INTS8: variants seen among roughly 807,000 people sequenced by gnomAD.
INTS8 encodes protein kaonashi-1.
Under a neutral mutation model 138.9 loss-of-function variants are expected in INTS8, and 47 were observed. The ratio of observed to expected loss-of-function variants is 0.34; its 90% CI spans 0.27 to 0.43. The LOEUF (loss-of-function observed/expected upper bound fraction) is 0.43, where lower values mean the gene tolerates loss of function less well. Among genes scored for constraint, INTS8 ranks in the 20% least tolerant of loss-of-function variants. INTS8 has a pLI of 1.00. For synonymous variants in INTS8, 392 were observed against 400.9 expected (o/e 0.98, Z 0.27); for missense variants, 996 against 1,173.0 (o/e 0.85, Z 2.20).
In INTS8 at chr8:94,851,643, A is replaced by G; in HGVS notation, c.1598A>G (p.His533Arg). The G allele has an allele frequency of 2.5e-6, 4 of 1,604,558 alleles. No homozygotes were observed. The highest frequency in any genetic ancestry group is 1.1e-5 in the South Asian group (1 of 89,522). ...WRIRQILIEL[H>R]GMTSERQFWT... is the part of the protein sequence containing the mutation. ...ATTAGACAAATTTTAATTGAATTAC[A>G]TGGTATGACTTCAGAGCGCCAGTTC... Residue 533 changes from histidine (H) to arginine (R), a missense_variant, in exon 13 of 27, where the codon CAT (histidine) becomes CGT (arginine). Transcript: ENST00000523731.
In INTS8 at chr8:94,856,789, G is replaced by A. The variant is rs1219718486; in HGVS notation, c.1765G>A (p.Ala589Thr). ...HCSTVKDFSH[A>T]KQLFAACLEL... ...TTTCTTTTCATAGGACTTTTCCCAT[G>A]CTAAACAGCTCTTTGCTGCTTGTTT... Residue 589 changes from alanine to threonine, a missense_variant, in exon 15 of 27, where the codon GCT becomes ACT. By Grantham distance (58) the Ala-to-Thr change is moderately conservative. Coordinates refer to ENST00000523731, the MANE Select transcript of INTS8 (RefSeq NM_017864.4). 2 of 1,614,096 alleles carry A rather than the reference G, an allele frequency of 1.2e-6. No individual in the cohort carries two copies. The highest frequency in any genetic ancestry group is 1.1e-5 in the South Asian group (1 of 91,076).
At chr8:94,852,362 T>C (rs74744339) in intron 13 of INTS8, among the ~76,000 whole-genome samples, 1,678 of 152,324 alleles carry the variant, frequency 0.011, 21 homozygotes, top group Non-Finnish European at 0.016. Context: ...TCCCAGCTAA[T>C]ACATTTACCT....
chr8:94,878,394 G>T (rs777171738), intron 26 of INTS8, among the ~76,000 whole-genome samples: 1 of 152,156 alleles, frequency 6.6e-6, no homozygotes, highest in Non-Finnish European at 1.5e-5. Flanking sequence ...TGTCCTCATG[G>T]ATGTTAAGAG....
intron 14 of INTS8, among the ~76,000 whole-genome samples, chr8:94,855,147 A>G (rs1211429919): frequency 6.6e-6 from 1 of 152,152 alleles, no homozygotes; most frequent in Non-Finnish European, 1.5e-5. Flanking sequence ...CCCTCAAAGT[A>G]ATTCTGTTGC....
chr8:94,876,487 G>A lies in INTS8; in HGVS notation c.2869G>A (p.Ala957Thr), dbSNP rs1326392279. The stretch of plus-strand genomic sequence containing the variant: ...AGGAGAAACAGATAAAAGACAAATT[G>A]CAGTAAGTTACCTTATGCCTTTCTT... ...KRGETDKRQI[A>T]IKAIGQTELN... The change falls in exon 26 of 27, where the codon GCA (alanine) becomes ACA (threonine). Residue 957 changes from alanine (A) to threonine (T), a missense_variant and splice_region_variant. By Grantham distance (58) the Ala-to-Thr change is moderately conservative (BLOSUM62 0). Transcript: ENST00000523731. 4 of 1,549,602 alleles carry A rather than the reference G, an allele frequency of 2.6e-6. No individual in the cohort carries two copies. The highest frequency in any genetic ancestry group is 3.5e-6 in the Non-Finnish European group (4 of 1,129,260).
chr8:94,852,652 G>A (rs1449726811), intron 13 of INTS8, among the ~76,000 whole-genome samples: 4 of 151,548 alleles, frequency 2.6e-5, no homozygotes, highest in Non-Finnish European at 4.4e-5. Context: ...GCAATGGTGC[G>A]ATCTTGGCTC....
At chr8:94,863,372 A>G (rs1254260470) in intron 16 of INTS8, among the ~76,000 whole-genome samples, 1 of 152,254 alleles carries the variant, frequency 6.6e-6, no homozygotes, top group African/African-American at 2.4e-5. Flanking sequence ...CACATTAGCC[A>G]GGATGTCCTT....
At chr8:94,851,747 G>A in intron 13 of INTS8, 61 bp downstream of exon 13, 1 of 1,423,338 alleles carries the variant, frequency 7.0e-7, no homozygotes. Context: ...TAATTTAATA[G>A]AAAAGCTGTT....
Position 94,853,885 on chromosome 8 carries a change from G to C in INTS8, c.1722G>C (p.Met574Ile). ...CAAGAGATTTGGTTTATATTCTTAT[G>C]GCCAAAGGTTTGCACTGCAGTACTG... ...NLTRDLVYILMAKGLHCSTVK... is the reference protein window; with the variant it reads ...NLTRDLVYILIAKGLHCSTVK... Residue 574 changes from methionine to isoleucine, a missense_variant, in exon 14 of 27, where the codon ATG (methionine) becomes ATC (isoleucine). Physicochemically the swap from Met to Ile is conservative, Grantham distance 10 (BLOSUM62 1). Coordinates refer to ENST00000523731, the MANE Select transcript of INTS8 (RefSeq NM_017864.4). 6.2e-7 allele frequency: 1 copy of C among 1,606,794 alleles called. No individual in the cohort carries two copies. Among genetic ancestry groups the C allele is most frequent in the Non-Finnish European group, 8.5e-7 (1 of 1,173,450 alleles).
Position 94,852,100 on chromosome 8 carries a change from G to T in INTS8, c.1641+414G>T, listed in dbSNP as rs890092373. ...TGGGATTACAGGTACCTGTCACCATGCCCGGCTAATTTATGTATTTTTAGT... is the reference window on the plus strand; with the variant it reads ...TGGGATTACAGGTACCTGTCACCATTCCCGGCTAATTTATGTATTTTTAGT... On this transcript the variant is annotated intron_variant, in intron 13 of 26. Transcript: ENST00000523731. Among the ~76,000 whole-genome samples, 3 of 152,014 alleles carry T rather than the reference G, an allele frequency of 2.0e-5. No individual in the cohort carries two copies. In the East Asian group the frequency reaches 5.8e-4, roughly 29 times the overall value.
intron 5 of INTS8, among the ~76,000 whole-genome samples, chr8:94,829,245 G>A (rs1469456796): frequency 6.6e-6 from 1 of 151,810 alleles, no homozygotes. Context: ...TAATATATAT[G>A]GAAATAATTA....
chr8:94,833,321 C>T (rs1025877073), intron 6 of INTS8, among the ~76,000 whole-genome samples: 7 of 151,810 alleles, frequency 4.6e-5, no homozygotes, highest in African/African-American at 1.7e-4. Context: ...CTGGAGTTTG[C>T]AGCAGGAGTA....
chr8:94,881,136 A>AAAACT lies in INTS8; in HGVS notation c.*907_*911dup. The stretch of plus-strand genomic sequence containing the variant: ...ATAGATAAATTAGTCACCTTATTAC[A>AAAACT]AAACTAAACCTTTGTAAACAAGTTT... On this transcript the variant is annotated 3_prime_UTR_variant, in exon 27 of 27. Coordinates refer to ENST00000523731, the MANE Select transcript of INTS8 (RefSeq NM_017864.4). The AAAACT allele has an allele frequency of 2.5e-6, 1 of 395,696 alleles. No individual in the cohort carries two copies. Among genetic ancestry groups the AAAACT allele is most frequent in the East Asian group, 3.6e-5 (1 of 27,878 alleles). The allele number at this position is 395,696 out of a possible 1,614,324, so 24.5% of individuals were successfully genotyped here. A position where few individuals can be genotyped will look rare whatever the true frequency, so the allele number is the denominator to read the frequency against.
intron 14 of INTS8, among the ~76,000 whole-genome samples, chr8:94,854,168 T>G (rs1248471218): frequency 7.4e-6 from 1 of 135,128 alleles, no homozygotes; most frequent in Non-Finnish European, 1.6e-5. Context: ...GTTGCATCAT[T>G]GCACTCCGGC....
rs549146110 is a variant in INTS8 at position 94,846,623 on chromosome 8, C to G, written c.1261-2839C>G. On this transcript the variant is annotated intron_variant, in intron 10 of 26. Transcript: ENST00000523731. ...TGGCTATTACCTCCAGTACAGTGTTCAGTAGAAGTGGGAATAGAGAACTGC... is the reference window on the plus strand; with the variant it reads ...TGGCTATTACCTCCAGTACAGTGTTGAGTAGAAGTGGGAATAGAGAACTGC... 5.3e-5 allele frequency among the ~76,000 whole-genome samples: 8 copies of G among 152,266 alleles called. No homozygotes were observed. The South Asian group carries it at 1.4e-3, about 28-fold the overall frequency.
intron 5 of INTS8, among the ~76,000 whole-genome samples, chr8:94,830,354 G>A (rs1814667187): frequency 6.6e-6 from 1 of 152,200 alleles, no homozygotes; most frequent in African/African-American, 2.4e-5. Flanking sequence ...GAAACGATCT[G>A]TATCTCACTA....
chr8:94,837,332 GTA>G (rs1389211575), intron 7 of INTS8, among the ~76,000 whole-genome samples: 1 of 151,970 alleles, frequency 6.6e-6, no homozygotes, highest in Non-Finnish European at 1.5e-5. Context: ...TGTAAACCTA[GTA>G]TATCTATAAC....
rs1393928260 is a variant in INTS8, at chr8:94,856,894, G to A, written c.1870G>A (p.Glu624Lys). ...EMLLLDIHTH[E>K]AGTGQAGERP... ...GTTGCTTTTGGATATTCATACACACGAAGCTGGGACAGGGCAGGCAGGAGA... is the reference window on the plus strand; with the variant it reads ...GTTGCTTTTGGATATTCATACACACAAAGCTGGGACAGGGCAGGCAGGAGA... Residue 624 changes from glutamate (E) to lysine (K), a missense_variant, in exon 15 of 27, where the codon GAA becomes AAA. Physicochemically the swap from Glu to Lys is moderately conservative, Grantham distance 56. Transcript: ENST00000523731. The A allele has an allele frequency of 2.5e-6, 4 of 1,614,086 alleles. No homozygotes were observed. The highest frequency in any genetic ancestry group is 3.4e-6 in the Non-Finnish European group (4 of 1,180,000).
intron 22 of INTS8, 75 bp downstream of exon 22, chr8:94,873,552 C>G (rs995383531): frequency 1.1e-6 from 1 of 879,400 alleles, no homozygotes; most frequent in Admixed American, 1.9e-5. Flanking sequence ...TTTGGCTGAA[C>G]TTACCCATTT....
Sources: allele counts gnomAD v4.1 joint callset (sites outside exome capture counted in the v4.1 genomes callset), GRCh38; gene constraint gnomAD v4.1.1; transcripts MANE v1.5; gene names NCBI Gene and HGNC (gene_info 2026-07-23, HGNC 2026-07-21).